ADGRL3: variants seen among roughly 807,000 people sequenced by gnomAD.
ADGRL3 encodes adhesion G protein-coupled receptor L3, also known as calcium-independent alpha-latrotoxin receptor 3.
Under a neutral mutation model 153.5 loss-of-function variants are expected in ADGRL3, and 62 were observed. The ratio of observed to expected loss-of-function variants is 0.40; its 90% CI spans 0.33 to 0.50. The LOEUF (loss-of-function observed/expected upper bound fraction) is 0.50, where lower values mean the gene tolerates loss of function less well. Among genes scored for constraint, ADGRL3 ranks in the 20% least tolerant of loss-of-function variants. The pLI, the probability that ADGRL3 is intolerant of heterozygous loss-of-function variation, is 0.47. For missense variants in ADGRL3, 1,641 were observed against 1,859.4 expected (o/e 0.88, Z 2.16); for synonymous variants, 710 against 672.5 (o/e 1.06, Z -0.86).
At chr4:61,587,464 T>C in intron 5 of ADGRL3, 24 bp downstream of exon 5, 1 of 1,526,074 alleles carries the variant, frequency 6.6e-7, no homozygotes, top group South Asian at 1.1e-5. Context: ...AATATTCTTT[T>C]CTTTGTGCAC....
rs1455591944 is a variant in ADGRL3 at position 61,348,989 on chromosome 4, G to A, written c.-239-34135G>A. 2.0e-5 allele frequency among the ~76,000 whole-genome samples: 3 copies of A among 152,088 alleles called. No homozygotes were observed. In the East Asian group the frequency reaches 5.8e-4, roughly 29 times the overall value. On this transcript the variant is annotated intron_variant, in intron 1 of 26. Transcript: ENST00000683033. ...AACTGAGTTTTTTGGTGTATTTTCA[G>A]AAGTTTGAATATAGCAGTCAAGGGG...
intron 25 of ADGRL3, among the ~76,000 whole-genome samples, chr4:62,052,661 T>C (rs1374087493): frequency 6.6e-6 from 1 of 151,298 alleles, no homozygotes; most frequent in Non-Finnish European, 1.5e-5. Context: ...TGTAGAATAT[T>C]TTTTATTTTA....
chr4:62,053,777 G>A (rs1024454766), intron 25 of ADGRL3, among the ~76,000 whole-genome samples: 1 of 151,394 alleles, frequency 6.6e-6, no homozygotes, highest in Non-Finnish European at 1.5e-5. Flanking sequence ...TTCAAATATA[G>A]CTTCCAATTT....
At chr4:61,874,339 A>G (rs1167823971) in intron 9 of ADGRL3, among the ~76,000 whole-genome samples, 3 of 152,114 alleles carry the variant, frequency 2.0e-5, no homozygotes, top group Admixed American at 6.5e-5. Context: ...AGCTCACAAC[A>G]TGTCAGCTTG....
At chr4:61,617,251 T>A (rs1403621727) in intron 5 of ADGRL3, among the ~76,000 whole-genome samples, 1 of 152,180 alleles carries the variant, frequency 6.6e-6, no homozygotes, top group African/African-American at 2.4e-5. Flanking sequence ...CAGAGTAGCA[T>A]TTTCATTTAA....
intron 2 of ADGRL3, among the ~76,000 whole-genome samples, chr4:61,473,631 T>C (rs2097999773): frequency 6.6e-6 from 1 of 152,044 alleles, no homozygotes; most frequent in Non-Finnish European, 1.5e-5. Flanking sequence ...AAAACATGTA[T>C]AGAGTTTATA....
intron 2 of ADGRL3, among the ~76,000 whole-genome samples, chr4:61,432,655 T>TC (rs778203485): frequency 2.7e-4 from 16 of 58,734 alleles, no homozygotes; most frequent in Non-Finnish European, 4.1e-4. Context: ...TCTTTCTTTC[T>TC]TTTTTTTTTT....
chr4:61,923,867 A>G lies in ADGRL3; in HGVS notation c.2113-10973A>G, dbSNP rs142172707. ...GGAACAGTGCCACTTTTATTTCTAC[A>G]TCTTCAGGACCTTTTAAATTGTGCT... is the stretch of plus-strand genomic sequence containing the variant. On this transcript the variant is annotated intron_variant, in intron 13 of 26. Transcript: ENST00000683033. Among the ~76,000 whole-genome samples, 22 of 152,266 alleles carry G rather than the reference A, an allele frequency of 1.4e-4. No homozygotes were observed. The East Asian group carries it at 2.5e-3, about 17-fold the overall frequency.
At chr4:61,478,687 C>A (rs2152723785) in intron 2 of ADGRL3, among the ~76,000 whole-genome samples, 1 of 152,006 alleles carries the variant, frequency 6.6e-6, no homozygotes, top group Non-Finnish European at 1.5e-5. Context: ...ATATGTCTTT[C>A]TTGGATCTGG....
Position 61,714,383 on chromosome 4 carries a change from C to A in ADGRL3, c.584-16239C>A, listed in dbSNP as rs183409039. ...GAGTACACACACACACAAACACACA[C>A]ACACACACACATATTTAGCAGATGC... On this transcript the variant is annotated intron_variant, in intron 6 of 26. Transcript: ENST00000683033. Among the ~76,000 whole-genome samples the A allele has an allele frequency of 1.2e-3, 177 of 152,246 alleles. 2 individuals carry two copies. The highest frequency in any genetic ancestry group is 4.0e-3 in the African/African-American group (168 of 41,554).
intron 1 of ADGRL3, among the ~76,000 whole-genome samples, chr4:61,381,952 G>A (rs1026303271): frequency 1.3e-5 from 2 of 151,924 alleles, no homozygotes; most frequent in African/African-American, 4.8e-5. Context: ...GATACAGTGA[G>A]TTTCATTGCT....
At chr4:61,296,636 T>A (rs2094422708) in intron 1 of ADGRL3, among the ~76,000 whole-genome samples, 1 of 152,190 alleles carries the variant, frequency 6.6e-6, no homozygotes, top group Non-Finnish European at 1.5e-5. Flanking sequence ...TTACTTCATG[T>A]CAAAACAGTG....
intron 1 of ADGRL3, among the ~76,000 whole-genome samples, chr4:61,377,770 A>G (rs2096621614): frequency 6.6e-6 from 1 of 151,488 alleles, no homozygotes. Context: ...CTCTTTGTTT[A>G]AGGTAGAAGC....
At chr4:61,203,482 C>T (rs17238862) in intron 1 of ADGRL3, among the ~76,000 whole-genome samples, 3,420 of 152,284 alleles carry the variant, frequency 0.022, 57 homozygotes, top group Middle Eastern at 0.061. Flanking sequence ...TTACATCCTT[C>T]CAGCCAGCTG....
chr4:61,473,674 G>A (rs1026504210), intron 2 of ADGRL3, among the ~76,000 whole-genome samples: 7 of 151,872 alleles, frequency 4.6e-5, no homozygotes, highest in Non-Finnish European at 8.8e-5. Flanking sequence ...AGCTTAATAA[G>A]TATTTACTCC....
chr4:61,606,718 G>A (rs1432032141), intron 5 of ADGRL3, among the ~76,000 whole-genome samples: 1 of 152,126 alleles, frequency 6.6e-6, no homozygotes, highest in African/African-American at 2.4e-5. Context: ...CCATAATAAT[G>A]ATCATGAAGA....
At chr4:61,264,178 ACT>A (rs1251879595) in intron 1 of ADGRL3, among the ~76,000 whole-genome samples, 1 of 151,894 alleles carries the variant, frequency 6.6e-6, no homozygotes, top group African/African-American at 2.4e-5. Context: ...ACGGTTGCAG[ACT>A]CTGATTTCGT....
At chr4:61,628,101 A>C (rs1481924628) in intron 5 of ADGRL3, among the ~76,000 whole-genome samples, 1 of 152,210 alleles carries the variant, frequency 6.6e-6, no homozygotes, top group African/African-American at 2.4e-5. Context: ...TAATACTTAC[A>C]TAACATGGTT....
chr4:61,646,073 G>A (rs1268469789), intron 5 of ADGRL3, among the ~76,000 whole-genome samples: 1 of 152,050 alleles, frequency 6.6e-6, no homozygotes, highest in East Asian at 1.9e-4. Flanking sequence ...CCAGTTGATG[G>A]CATCGGCTCC....
Sources: gnomAD v4.1 joint callset for allele counts (sites outside exome capture counted in the v4.1 genomes callset) on GRCh38, gnomAD v4.1.1 for gene constraint, MANE v1.5 for transcripts, NCBI Gene and HGNC (gene_info 2026-07-23, HGNC 2026-07-21) for gene names.